The following RIPOR2 variants were observed in gnomAD, a reference collection of about 807,000 sequenced individuals.
RIPOR2 encodes RHO family interacting cell polarization regulator 2, also known as rho family-interacting cell polarization regulator 2.
A neutral mutation model predicts 114.5 loss-of-function variants in RIPOR2; 39 were observed. The observed-to-expected ratio is 0.34, with a 90% confidence interval of 0.26 to 0.44. The LOEUF (loss-of-function observed/expected upper bound fraction) is 0.44. Among genes scored for constraint, RIPOR2 ranks in the 20% least tolerant of loss-of-function variants. RIPOR2 has a pLI of 1.00. For missense variants in RIPOR2, 1,007 were observed against 1,255.1 expected, an observed-to-expected ratio of 0.80 and a Z score of 2.99; for synonymous variants, 445 against 484.4, an observed-to-expected ratio of 0.92 and a Z score of 1.07.
In RIPOR2 at chr6:25,019,758, G is replaced by A. The variant is rs1185806607; in HGVS notation, c.76+22093C>T. On this transcript the variant is annotated intron_variant, in intron 1 of 13. Coordinates refer to the RIPOR2 transcript ENST00000510784. The stretch of plus-strand genomic sequence containing the variant: ...CCACTGCATTCCAGCCTGGGCAACA[G>A]AGCAAGACTCTGTCTCAAAAAAAAA... 9.3e-4 allele frequency among the ~76,000 whole-genome samples: 85 copies of A among 90,954 alleles called. 1 individual carries two copies. Among genetic ancestry groups the A allele is most frequent in the African/African-American group, 3.2e-3 (70 of 21,992 alleles). The allele number at this position is 90,954 out of a possible 152,430, so 59.7% of individuals were successfully genotyped here.
At chr6:24,914,213 G>A (rs1248920581) in intron 1 of RIPOR2, among the ~76,000 whole-genome samples, 1 of 152,084 alleles carries the variant, frequency 6.6e-6, no homozygotes, top group African/African-American at 2.4e-5. Flanking sequence ...GCAGGTGCCT[G>A]TAATCCCAGC....
chr6:24,976,662 G>T (rs1241773943), intron 1 of RIPOR2: 20 of 1,608,692 alleles, frequency 1.2e-5, no homozygotes, highest in Non-Finnish European at 1.4e-5. Flanking sequence ...TTATTCCAGG[G>T]TTTATGTGTC....
At position 24,977,589 on chromosome 6, in the gene RIPOR2, G is replaced by A. The variant is rs942342116; in HGVS notation, c.76+64262C>T. ...TGTTCAAATATAAGAAAACTCAGGA[G>A]AATCATGTAATAAACATTTTCTAGT... is the stretch of plus-strand genomic sequence containing the variant. On this transcript the variant is annotated intron_variant, in intron 1 of 13. Transcript: ENST00000510784. Among the ~76,000 whole-genome samples, 3 of 151,984 alleles carry A rather than the reference G, an allele frequency of 2.0e-5. No homozygotes were observed. The East Asian group carries it at 5.8e-4, about 29-fold the overall frequency.
At chr6:24,916,550 T>G (rs1035858454) in intron 1 of RIPOR2, among the ~76,000 whole-genome samples, 1 of 152,150 alleles carries the variant, frequency 6.6e-6, no homozygotes, top group African/African-American at 2.4e-5. Flanking sequence ...GCCACCTTTT[T>G]CCCTGGAAAA....
At chr6:25,041,717 G>C in intron 1 of RIPOR2, 1 of 600,094 alleles carries the variant, frequency 1.7e-6, no homozygotes, top group African/African-American at 1.9e-5. Context: ...TTGGAAAACG[G>C]AGCACAGGAA....
chr6:24,930,421 C>T (rs192015563), intron 1 of RIPOR2, among the ~76,000 whole-genome samples: 77 of 152,316 alleles, frequency 5.1e-4, no homozygotes, highest in African/African-American at 1.8e-3. Flanking sequence ...TTTTGGGCCC[C>T]TTTTGGCATT....
intron 14 of RIPOR2, among the ~76,000 whole-genome samples, chr6:24,838,662 C>T (rs1361126787): frequency 3.9e-5 from 6 of 151,986 alleles, no homozygotes; most frequent in Non-Finnish European, 8.8e-5. Context: ...GGTGTGGTGG[C>T]GGGTGCCTGT....
At chr6:24,920,496 C>T (rs2114104181) in intron 1 of RIPOR2, among the ~76,000 whole-genome samples, 1 of 152,284 alleles carries the variant, frequency 6.6e-6, no homozygotes, top group South Asian at 2.1e-4. Flanking sequence ...CTTTAGTGTT[C>T]TGAACAGTTT....
intron 1 of RIPOR2, among the ~76,000 whole-genome samples, chr6:24,882,664 G>A (rs2113933052): frequency 6.6e-6 from 1 of 152,132 alleles, no homozygotes; most frequent in South Asian, 2.1e-4. Flanking sequence ...CAACCACCGG[G>A]GGAATTTTGT....
At chr6:25,000,256 A>G (rs1775242283) in intron 1 of RIPOR2, among the ~76,000 whole-genome samples, 1 of 152,146 alleles carries the variant, frequency 6.6e-6, no homozygotes, top group African/African-American at 2.4e-5. Context: ...AGGTGTCAGG[A>G]AGTTTGGGCA....
intron 1 of RIPOR2, among the ~76,000 whole-genome samples, chr6:24,955,713 A>T (rs1773003259): frequency 6.6e-6 from 1 of 151,888 alleles, no homozygotes; most frequent in Non-Finnish European, 1.5e-5. Flanking sequence ...AAAAAAAAAA[A>T]AAAATTACAA....
chr6:24,934,164 G>A (rs73382319), intron 1 of RIPOR2, among the ~76,000 whole-genome samples: 3,239 of 152,214 alleles, frequency 0.021, 60 homozygotes, highest in African/African-American at 0.05. Flanking sequence ...CAATTTTTCC[G>A]TTCTAAGCTT....
rs892006847 is a variant in RIPOR2 at position 24,974,376 on chromosome 6, C to A, written c.76+67475G>T. ...ACAGAGCAGCATCCTGTCTCAAAAC[C>A]AAAAAACAAACAAACAAAAAAACCC... On this transcript the variant is annotated intron_variant, in intron 1 of 13. Coordinates refer to the RIPOR2 transcript ENST00000510784. Among the ~76,000 whole-genome samples, 351 of 133,522 alleles carry A rather than the reference C, an allele frequency of 2.6e-3. 2 individuals carry two copies. Among genetic ancestry groups the A allele is most frequent in the African/African-American group, 0.012 (323 of 27,672 alleles). The allele number at this position is 133,522 out of a possible 152,430, so 87.6% of individuals were successfully genotyped here.
At chr6:24,968,834 A>G (rs746334946) in intron 1 of RIPOR2, among the ~76,000 whole-genome samples, 2 of 152,170 alleles carry the variant, frequency 1.3e-5, no homozygotes, top group Non-Finnish European at 2.9e-5. Flanking sequence ...AGTCTTCAGC[A>G]CCAAAGAATT....
chr6:24,827,601 C>T (rs1760300382), intron 18 of RIPOR2, among the ~76,000 whole-genome samples: 1 of 152,222 alleles, frequency 6.6e-6, no homozygotes, highest in African/African-American at 2.4e-5. Flanking sequence ...ATTTTATTTC[C>T]AGTCTCTGAA....
intron 1 of RIPOR2, among the ~76,000 whole-genome samples, chr6:24,943,627 T>G (rs537799487): frequency 6.6e-6 from 1 of 152,186 alleles, no homozygotes; most frequent in East Asian, 1.9e-4. Context: ...GAAAAATGGC[T>G]GAATTTCAAT....
chr6:25,038,929 C>T (rs532086910), intron 1 of RIPOR2, among the ~76,000 whole-genome samples: 90 of 152,288 alleles, frequency 5.9e-4, no homozygotes, highest in Non-Finnish European at 3.2e-4. Context: ...GCCTGGCCCC[C>T]GTGGGGAAAA....
chr6:24,860,869 C>T lies in RIPOR2; in HGVS notation c.715+104G>A, dbSNP rs112710788. The T allele has an allele frequency of 3.6e-4, 258 of 720,702 alleles. 1 individual carries two copies. In the African/African-American group the frequency reaches 3.6e-3, roughly 10 times the overall value. 44.6% of individuals were successfully genotyped at this position (720,702 alleles called of 1,614,324 possible). A position where few individuals can be genotyped will look rare whatever the true frequency, so the allele number is the denominator to read the frequency against. On this transcript the variant is annotated intron_variant, in intron 8 of 21. Transcript: ENST00000643898. ...GGTGGGTTGAGAGTGGGTGGCGCTG[C>T]GTCTTTGCAAGGAAAATAAAAATAG...
intron 1 of RIPOR2, among the ~76,000 whole-genome samples, chr6:24,885,001 C>T (rs1766694360): frequency 6.6e-6 from 1 of 152,094 alleles, no homozygotes; most frequent in South Asian, 2.1e-4. Context: ...TCTAAGACTC[C>T]ATCAATCAAT....
Sources: gnomAD v4.1 joint callset for allele counts (sites outside exome capture counted in the v4.1 genomes callset) on GRCh38, gnomAD v4.1.1 for gene constraint, MANE v1.5 for transcripts, NCBI Gene and HGNC (gene_info 2026-07-23, HGNC 2026-07-21) for gene names.